The following MRPS28 variants were observed in gnomAD, a reference collection of about 807,000 sequenced individuals.
The protein encoded by MRPS28 is small ribosomal subunit protein bS1m.
Under a neutral mutation model 10.8 loss-of-function variants are expected in MRPS28, and 7 were observed. That is an observed-to-expected ratio of 0.65 (90% CI 0.37 to 1.22). The LOEUF (loss-of-function observed/expected upper bound fraction) is 1.22. MRPS28 is among the 50% of genes most tolerant of loss of function. The probability of loss-of-function intolerance (pLI) is 0.02; values close to 1 mark genes in which losing one functional copy is unlikely to be tolerated. For synonymous variants in MRPS28, 121 were observed against 93.3 expected (o/e 1.30, Z -1.71); for missense variants, 265 against 232.9 (o/e 1.14, Z -0.90).
intron 2 of MRPS28, among the ~76,000 whole-genome samples, chr8:79,967,254 T>G (rs1807526132): frequency 6.6e-6 from 1 of 152,188 alleles, no homozygotes; most frequent in Non-Finnish European, 1.5e-5. Flanking sequence ...TCAGCTCTTT[T>G]CTCTCCACAT....
chr8:79,966,036 G>A (rs115782046), intron 2 of MRPS28, among the ~76,000 whole-genome samples: 1 of 151,998 alleles, frequency 6.6e-6, no homozygotes, highest in African/African-American at 2.4e-5. Flanking sequence ...ATATCTAGCA[G>A]TATGTTAGAA....
At chr8:79,925,948 C>G (rs1483449149) in intron 2 of MRPS28, among the ~76,000 whole-genome samples, 2 of 149,380 alleles carry the variant, frequency 1.3e-5, no homozygotes, top group Non-Finnish European at 3.0e-5. Flanking sequence ...GATTACACCA[C>G]TACACTCAGG....
intron 1 of MRPS28, among the ~76,000 whole-genome samples, chr8:80,007,564 T>G (rs1318980463): frequency 6.6e-6 from 1 of 152,158 alleles, no homozygotes; most frequent in African/African-American, 2.4e-5. Flanking sequence ...GATAAGAAAC[T>G]TCAGCAAAGT....
At chr8:79,996,715 C>CTG (rs1412388603) in intron 2 of MRPS28, among the ~76,000 whole-genome samples, 1 of 152,216 alleles carries the variant, frequency 6.6e-6, no homozygotes, top group East Asian at 1.9e-4. Context: ...ATATAACAGA[C>CTG]TACCTATGAT....
chr8:79,994,827 C>G (rs1039105613), intron 2 of MRPS28, among the ~76,000 whole-genome samples: 1 of 152,082 alleles, frequency 6.6e-6, no homozygotes, highest in Non-Finnish European at 1.5e-5. Context: ...GTCATCTCCC[C>G]ACTCTCCCAT....
intron 1 of MRPS28, among the ~76,000 whole-genome samples, chr8:80,011,642 A>G (rs915722744): frequency 6.6e-6 from 1 of 151,924 alleles, no homozygotes; most frequent in African/African-American, 2.4e-5. Context: ...AATCCCAGCT[A>G]CTCAGGAAGC....
intron 1 of MRPS28, among the ~76,000 whole-genome samples, chr8:80,016,595 T>C (rs1255232705): frequency 2.0e-5 from 3 of 151,574 alleles, no homozygotes; most frequent in Non-Finnish European, 4.4e-5. Flanking sequence ...AGTCAAAAAC[T>C]CAGATCTACA....
At chr8:79,921,465 T>C (rs1041442013) in intron 2 of MRPS28, among the ~76,000 whole-genome samples, 5 of 150,570 alleles carry the variant, frequency 3.3e-5, no homozygotes, top group South Asian at 2.1e-4. Flanking sequence ...TTTTATTTCA[T>C]TGAGCAGTGG....
At chr8:80,009,183 A>T (rs1369438029) in intron 1 of MRPS28, among the ~76,000 whole-genome samples, 1 of 152,182 alleles carries the variant, frequency 6.6e-6, no homozygotes, top group Non-Finnish European at 1.5e-5. Flanking sequence ...GGACAAAAAA[A>T]CCAAACACCT....
chr8:79,984,124 A>G (rs1808071917), intron 2 of MRPS28, among the ~76,000 whole-genome samples: 1 of 152,304 alleles, frequency 6.6e-6, no homozygotes, highest in Admixed American at 6.5e-5. Context: ...AATATTCAAC[A>G]TTCTTAAAGA....
intron 1 of MRPS28, among the ~76,000 whole-genome samples, chr8:80,021,656 T>C (rs748392765): frequency 5.3e-5 from 8 of 152,198 alleles, no homozygotes; most frequent in African/African-American, 1.4e-4. Flanking sequence ...CTACACTGCA[T>C]TGCTTCTAAC....
intron 1 of MRPS28, among the ~76,000 whole-genome samples, chr8:80,017,955 T>C (rs976454375): frequency 6.6e-6 from 1 of 152,106 alleles, no homozygotes; most frequent in Non-Finnish European, 1.5e-5. Flanking sequence ...AACCAGGATA[T>C]ATAAGGAGTT....
intron 2 of MRPS28, among the ~76,000 whole-genome samples, chr8:79,949,424 A>AG (rs1807022539): frequency 1.3e-5 from 2 of 151,904 alleles, no homozygotes. Flanking sequence ...AAAAAAAAAA[A>AG]AAAACAACAA....
At position 79,979,915 on chromosome 8, in the gene MRPS28, CAAAAAAAAAAAA is replaced by C. The variant is rs61633169; in HGVS notation, c.395+23072_395+23083del. ...GCCACTAACATTCAGGATTCTCACG[CAAAAAAAAAAAA>C]AAAAAAAAAAAAAAAAGTCTCTATC... On this transcript the variant is annotated intron_variant, in intron 2 of 2. Transcript: ENST00000276585. 2.0e-3 allele frequency among the ~76,000 whole-genome samples: 62 copies of C among 31,360 alleles called. 2 individuals are homozygous for C. Among genetic ancestry groups the C allele is most frequent in the South Asian group, 6.7e-3 (3 of 448 alleles). The allele number at this position is 31,360 out of a possible 152,430, so 20.6% of individuals were successfully genotyped here.
chr8:79,942,305 T>C (rs1346487789), intron 2 of MRPS28, among the ~76,000 whole-genome samples: 1 of 152,166 alleles, frequency 6.6e-6, no homozygotes, highest in African/African-American at 2.4e-5. Flanking sequence ...GCACAGTACT[T>C]TGGGGTGAAA....
At chr8:79,986,179 T>C (rs201290368) in intron 2 of MRPS28, among the ~76,000 whole-genome samples, 2 of 152,104 alleles carry the variant, frequency 1.3e-5, no homozygotes, top group African/African-American at 2.4e-5. Flanking sequence ...CAAAAACCAC[T>C]TGATTATCTC....
chr8:79,983,998 G>GA (rs1277075554), intron 2 of MRPS28, among the ~76,000 whole-genome samples: 1 of 152,046 alleles, frequency 6.6e-6, no homozygotes, highest in Non-Finnish European at 1.5e-5. Flanking sequence ...TGAAATGAAG[G>GA]AAAAAATGTT....
chr8:79,985,772 T>A (rs996387174), intron 2 of MRPS28, among the ~76,000 whole-genome samples: 16 of 152,206 alleles, frequency 1.1e-4, no homozygotes, highest in South Asian at 4.1e-4. Context: ...TCTGAAATTG[T>A]GGCAATAATC....
intron 2 of MRPS28, among the ~76,000 whole-genome samples, chr8:79,919,539 G>C (rs1810015640): frequency 6.6e-6 from 1 of 152,048 alleles, no homozygotes; most frequent in African/African-American, 2.4e-5. Flanking sequence ...ATGTTGCCCA[G>C]GCCAGGCTGG....
Sources: gnomAD v4.1 joint callset for allele counts (sites outside exome capture counted in the v4.1 genomes callset) on GRCh38, gnomAD v4.1.1 for gene constraint, MANE v1.5 for transcripts, NCBI Gene and HGNC (gene_info 2026-07-23, HGNC 2026-07-21) for gene names.